Variants in ATF6 observed in about 807,000 individuals in gnomAD.
ATF6 encodes the protein cyclic AMP-dependent transcription factor ATF-6 alpha.
Under a neutral mutation model 83.6 loss-of-function variants are expected in ATF6, and 53 were observed. That is an observed-to-expected ratio of 0.63 (90% CI 0.51 to 0.80). The LOEUF is 0.80. ATF6 is among the 30% of genes least tolerant of loss of function. The probability of loss-of-function intolerance (pLI) is 0.00; values close to 1 mark genes in which losing one functional copy is unlikely to be tolerated. For synonymous variants in ATF6, 288 were observed against 285.8 expected (o/e 1.01, Z -0.08); for missense variants, 744 against 797.9 (o/e 0.93, Z 0.81).
At chr1:161,812,784 C>CTGTG (rs4040222) in intron 7 of ATF6, among the ~76,000 whole-genome samples, 19,117 of 145,304 alleles carry the variant, frequency 0.13, 1,633 homozygotes, top group East Asian at 0.3. Flanking sequence ...TTTGCCTCCT[C>CTGTG]TGTGTGTGTG....
intron 15 of ATF6, among the ~76,000 whole-genome samples, chr1:161,917,568 C>T (rs1447615114): frequency 2.0e-5 from 3 of 152,042 alleles, no homozygotes; most frequent in Admixed American, 6.5e-5. Context: ...CTACAGGCGC[C>T]TGCCACCACG....
chr1:161,903,893 C>T (rs1429228514), intron 14 of ATF6, among the ~76,000 whole-genome samples: 1 of 152,102 alleles, frequency 6.6e-6, no homozygotes, highest in African/African-American at 2.4e-5. Context: ...ATCAGAATCA[C>T]CAGGGATACT....
At chr1:161,914,696 A>G (rs1688057375) in intron 15 of ATF6, among the ~76,000 whole-genome samples, 7 of 152,176 alleles carry the variant, frequency 4.6e-5, no homozygotes, top group African/African-American at 1.7e-4. Context: ...TTACAAGTCT[A>G]CAGTCCTTTG....
At chr1:161,955,151 G>A (rs998506050) in intron 15 of ATF6, among the ~76,000 whole-genome samples, 1 of 152,200 alleles carries the variant, frequency 6.6e-6, no homozygotes, top group African/African-American at 2.4e-5. Context: ...CATATTAGCA[G>A]TGAAGACCTG....
At chr1:161,928,852 A>G (rs1688374990) in intron 15 of ATF6, among the ~76,000 whole-genome samples, 1 of 152,206 alleles carries the variant, frequency 6.6e-6, no homozygotes, top group Non-Finnish European at 1.5e-5. Flanking sequence ...ACTAAGATCC[A>G]TTTAGACAAA....
intron 14 of ATF6, among the ~76,000 whole-genome samples, chr1:161,866,024 G>A (rs1224382004): frequency 1.3e-5 from 2 of 151,994 alleles, no homozygotes; most frequent in Non-Finnish European, 2.9e-5. Context: ...AAAGGTGAGT[G>A]GCATCATTTC....
At chr1:161,933,419 G>A (rs1274088675) in intron 15 of ATF6, among the ~76,000 whole-genome samples, 1 of 152,148 alleles carries the variant, frequency 6.6e-6, no homozygotes, top group African/African-American at 2.4e-5. Context: ...CAACATTAAA[G>A]TTGTAAGACA....
At chr1:161,828,362 C>T (rs537762947) in intron 9 of ATF6, among the ~76,000 whole-genome samples, 1 of 152,046 alleles carries the variant, frequency 6.6e-6, no homozygotes, top group East Asian at 1.9e-4. Context: ...TTCTCAGAGG[C>T]CAGAAATAAT....
chr1:161,818,923 T>A (rs915441438), intron 7 of ATF6, among the ~76,000 whole-genome samples: 1 of 152,148 alleles, frequency 6.6e-6, no homozygotes, highest in Non-Finnish European at 1.5e-5. Context: ...GTGGACAGGA[T>A]GAGATGGAAC....
chr1:161,894,267 T>C (rs1359160741), intron 14 of ATF6, among the ~76,000 whole-genome samples: 2 of 151,304 alleles, frequency 1.3e-5, no homozygotes, highest in Admixed American at 6.6e-5. Flanking sequence ...TAAAAACTTA[T>C]TTTGGAATTA....
In ATF6 at chr1:161,940,559, C is replaced by CTT. The variant is rs71301060; in HGVS notation, c.1805-17871_1805-17870dup. ...GTCTCAAGTGTCACCTCCTTCAGAT[C>CTT]TTTTTTTTTTTTTTTTTGAGACAGA... is the stretch of plus-strand genomic sequence containing the variant. On this transcript the variant is annotated intron_variant, in intron 15 of 15. Coordinates refer to ENST00000367942, the MANE Select transcript of ATF6 (RefSeq NM_007348.4). 1.2e-3 allele frequency among the ~76,000 whole-genome samples: 143 copies of CTT among 118,422 alleles called. 7 individuals are homozygous for CTT. The highest frequency in any genetic ancestry group is 3.9e-3 in the African/African-American group (131 of 33,170). 77.7% of individuals were successfully genotyped at this position (118,422 alleles called of 152,430 possible). A position where few individuals can be genotyped will look rare whatever the true frequency, so the allele number is the denominator to read the frequency against.
intron 15 of ATF6, among the ~76,000 whole-genome samples, chr1:161,925,458 T>TTTC (rs3083543): frequency 9.2e-5 from 14 of 152,168 alleles, no homozygotes; most frequent in African/African-American, 3.1e-4. Context: ...AGATACAGTT[T>TTTC]AAGTTCCTTA....
chr1:161,849,491 C>G (rs1370948511), intron 10 of ATF6, among the ~76,000 whole-genome samples: 1 of 152,204 alleles, frequency 6.6e-6, no homozygotes, highest in Non-Finnish European at 1.5e-5. Flanking sequence ...GGGGCCAGTG[C>G]TTTCTGCCAT....
intron 14 of ATF6, among the ~76,000 whole-genome samples, chr1:161,895,961 A>G (rs1452308086): frequency 6.6e-6 from 1 of 152,192 alleles, no homozygotes; most frequent in Non-Finnish European, 1.5e-5. Flanking sequence ...TCTTTGAGAA[A>G]AAATAAAGGA....
intron 7 of ATF6, 137 bp downstream of exon 7, chr1:161,802,409 G>A (rs1374744683): frequency 4.1e-6 from 3 of 739,002 alleles, no homozygotes; most frequent in Non-Finnish European, 6.6e-6. Context: ...GTGCTGAATT[G>A]CACATCTAGT....
intron 13 of ATF6, among the ~76,000 whole-genome samples, 192 bp downstream of exon 13, chr1:161,860,469 G>C (rs1370947927): frequency 1.3e-5 from 2 of 151,008 alleles, no homozygotes; most frequent in East Asian, 3.9e-4. Context: ...AATAAAGCCA[G>C]ATAATTTCAA....
rs977166614 is a variant in ATF6 at position 161,818,849 on chromosome 1, G to C, written c.910-784G>C. ...GATGGGTAGCAGGGATACATGACTA[G>C]CTTGTTTTTGCAATTGAGTAGTAAG... On this transcript the variant is annotated intron_variant, in intron 7 of 15. Coordinates refer to ENST00000367942, the MANE Select transcript of ATF6 (RefSeq NM_007348.4). Among the ~76,000 whole-genome samples, 33 of 152,192 alleles carry C rather than the reference G, an allele frequency of 2.2e-4. 1 individual carries two copies.
chr1:161,890,688 TC>T (rs1687532743), intron 14 of ATF6: 1 of 152,288 alleles, frequency 6.6e-6, no homozygotes, highest in African/African-American at 2.4e-5. Flanking sequence ...GCCCCAAACC[TC>T]AGCACACAGA....
intron 1 of ATF6, among the ~76,000 whole-genome samples, chr1:161,775,149 G>A (rs1264650299): frequency 6.6e-6 from 1 of 152,110 alleles, no homozygotes; most frequent in African/African-American, 2.4e-5. Context: ...TAAAATGAGG[G>A]TATACATTAT....
Sources: gnomAD v4.1 joint callset for allele counts (sites outside exome capture counted in the v4.1 genomes callset) on GRCh38, gnomAD v4.1.1 for gene constraint, MANE v1.5 for transcripts, NCBI Gene and HGNC (gene_info 2026-07-23, HGNC 2026-07-21) for gene names.